The following CD300A variants were observed in gnomAD, a reference collection of about 807,000 sequenced individuals.
CD300A encodes CMRF35-like molecule 8.
In CD300A, 22 loss-of-function variants were observed where a neutral mutation model predicts 33.6. The ratio of observed to expected loss-of-function variants is 0.66; its 90% confidence interval spans 0.47 to 0.94. CD300A has a LOEUF of 0.94. Ranked by LOEUF, CD300A falls within the 40% of genes least tolerant of loss-of-function variation. The probability of loss-of-function intolerance (pLI) is 0.00; values close to 1 mark genes in which losing one functional copy is unlikely to be tolerated. For missense variants in CD300A, 326 were observed against 360.5 expected (o/e 0.90, Z 0.77); for synonymous variants, 136 against 148.1 (o/e 0.92, Z 0.59).
chr17:74,484,539 C>A lies in CD300A; in HGVS notation c.*413C>A. 6.3e-6 allele frequency: 1 copy of A among 159,408 alleles called. No individual in the cohort carries two copies. Among genetic ancestry groups the A allele is most frequent in the Non-Finnish European group, 1.4e-5 (1 of 72,178 alleles). 9.9% of individuals were successfully genotyped at this position (159,408 alleles called of 1,614,324 possible). A position where few individuals can be genotyped will look rare whatever the true frequency, so the allele number is the denominator to read the frequency against. On this transcript the variant is annotated 3_prime_UTR_variant, in exon 7 of 7. Transcript: ENST00000360141. ...TTGCTTGGGAGTTGGGGAGAACTGT[C>A]AAGAAGAGTGAAGAGAGTGCCAAAG...
At chr17:74,472,013 G>A (rs1444977052) in intron 1 of CD300A, among the ~76,000 whole-genome samples, 1 of 152,130 alleles carries the variant, frequency 6.6e-6, no homozygotes, top group African/African-American at 2.4e-5. Flanking sequence ...GGCCGAGGCA[G>A]GTGGATCACC....
Position 74,473,653 on chromosome 17 carries a change from C to T in CD300A, c.158C>T (p.Pro53Leu). 1 of 1,614,214 alleles carries T rather than the reference C, an allele frequency of 6.2e-7. No individual in the cohort carries two copies. Among genetic ancestry groups the T allele is most frequent in the Non-Finnish European group, 8.5e-7 (1 of 1,180,046 alleles). ...RTLNKYWCRP[P>L]QIFLCDKIVE... The stretch of plus-strand genomic sequence containing the variant: ...CTCAACAAATACTGGTGCAGACCAC[C>T]ACAGATTTTCCTATGTGACAAGATT... Residue 53 changes from proline (P) to leucine (L), a missense_variant, in exon 2 of 7, where the codon CCA becomes CTA. Physicochemically the swap from Pro to Leu is moderately conservative, Grantham distance 98. Coordinates refer to ENST00000360141, the MANE Select transcript of CD300A (RefSeq NM_007261.4).
At chr17:74,474,883 T>C (rs1006597365) in intron 3 of CD300A, among the ~76,000 whole-genome samples, 198 bp downstream of exon 3, 8 of 139,500 alleles carry the variant, frequency 5.7e-5, no homozygotes, top group Non-Finnish European at 1.1e-4. Context: ...AGGGGGGAAG[T>C]TGGGGGGCAG....
chr17:74,481,915 G>T, intron 6 of CD300A, 82 bp downstream of exon 6: 1 of 972,176 alleles, frequency 1.0e-6, no homozygotes, highest in Admixed American at 2.1e-5. Context: ...AGAAGGGGAA[G>T]GAAGGGGTCG....
intron 4 of CD300A, among the ~76,000 whole-genome samples, chr17:74,479,265 C>A: frequency 6.6e-6 from 1 of 151,870 alleles, no homozygotes; most frequent in South Asian, 2.1e-4. Context: ...GAGACAGAGT[C>A]TCACTCTGTC....
At position 74,479,048 on chromosome 17, in the gene CD300A, C is replaced by G. The variant is rs145621431; in HGVS notation, c.628+1518C>G. Among the ~76,000 whole-genome samples the G allele has an allele frequency of 5.8e-4, 88 of 152,216 alleles. No homozygotes were observed. The East Asian group carries it at 0.017, about 29-fold the overall frequency. On this transcript the variant is annotated intron_variant, in intron 4 of 6. Transcript: ENST00000360141. ...TGGCTCCTCAAAGAGCCTCCTCCCC[C>G]CTTGAAAAGGATGTATGTGATTATT...
In CD300A at chr17:74,473,578, TG is replaced by T. The variant is rs1378786273; in HGVS notation, c.89del (p.Gly30AspfsTer3). ...AAATGCAGGACCGTGGCGGGCCCCG[TG>T]GGGGGATCCCTGAGTGTGCAGTGTC... is the stretch of plus-strand genomic sequence containing the variant. ...LSKCRTVAGP[V>X]GGSLSVQCPY... is the part of the protein sequence containing the mutation. On this transcript the variant is annotated frameshift_variant, in exon 2 of 7. Coordinates refer to ENST00000360141, the MANE Select transcript of CD300A (RefSeq NM_007261.4). LOFTEE classifies it high-confidence loss of function. 1.2e-6 allele frequency: 2 copies of T among 1,613,712 alleles called. No individual in the cohort carries two copies. The highest frequency in any genetic ancestry group is 8.5e-7 in the Non-Finnish European group (1 of 1,179,760).
At chr17:74,477,594 C>A in intron 4 of CD300A, 64 bp downstream of exon 4, 1 of 1,055,320 alleles carries the variant, frequency 9.5e-7, no homozygotes, top group South Asian at 1.3e-5. Context: ...CACAGACGCT[C>A]ATCTTCAAAG....
rs1009750413 is a variant in CD300A, at chr17:74,467,092, A to G, written c.40+349A>G. ...TCAGGGTGGGTGGAGAGTGGCAGCC[A>G]CTGACTGCGAGGGGCATGTGGTGAG... On this transcript the variant is annotated intron_variant, in intron 1 of 6. Transcript: ENST00000360141. 6.6e-6 allele frequency: 6 copies of G among 906,710 alleles called. No homozygotes were observed. The African/African-American group carries it at 9.1e-5, about 14-fold the overall frequency. 56.2% of individuals were successfully genotyped at this position (906,710 alleles called of 1,614,324 possible).
At chr17:74,482,540 C>A (rs2144542432) in intron 6 of CD300A, among the ~76,000 whole-genome samples, 1 of 151,504 alleles carries the variant, frequency 6.6e-6, no homozygotes, top group African/African-American at 2.4e-5. Flanking sequence ...CGTTTTGCAC[C>A]TGACAGGAGA....
chr17:74,468,314 G>A (rs780165731), intron 1 of CD300A, among the ~76,000 whole-genome samples: 5 of 152,106 alleles, frequency 3.3e-5, no homozygotes, highest in Admixed American at 1.3e-4. Flanking sequence ...GATTGCAGGC[G>A]TGAGCCACCA....
chr17:74,478,467 G>T (rs978615825), intron 4 of CD300A, among the ~76,000 whole-genome samples: 5 of 152,216 alleles, frequency 3.3e-5, no homozygotes, highest in South Asian at 2.1e-4. Context: ...CAGATTAAAA[G>T]AGAGAACAGG....
At chr17:74,467,468 G>C (rs1296027096) in intron 1 of CD300A, among the ~76,000 whole-genome samples, 1 of 152,150 alleles carries the variant, frequency 6.6e-6, no homozygotes, top group African/African-American at 2.4e-5. Context: ...ATCGGGCAGA[G>C]AAGCGCTGAG....
intron 4 of CD300A, among the ~76,000 whole-genome samples, chr17:74,479,777 T>C (rs1258135745): frequency 6.6e-6 from 1 of 152,124 alleles, no homozygotes. Context: ...CCTGACTGTG[T>C]GGCTGGGGCT....
At chr17:74,481,628 T>A in intron 5 of CD300A, 98 bp from the exon 6 acceptor site, 1 of 844,622 alleles carries the variant, frequency 1.2e-6, no homozygotes, top group Non-Finnish European at 1.9e-6. Flanking sequence ...GGGGCTGAGG[T>A]GCTCAGAGCA....
At position 74,474,678 on chromosome 17, in the gene CD300A, A is replaced by T. The variant is rs200630749; in HGVS notation, c.526A>T (p.Asn176Tyr). The T allele has an allele frequency of 8.7e-6, 14 of 1,614,124 alleles. No individual in the cohort carries two copies. The highest frequency in any genetic ancestry group is 6.7e-5 in the Admixed American group (4 of 60,016). Residue 176 changes from asparagine (N) to tyrosine (Y), a missense_variant, in exon 3 of 7, where the codon AAC becomes TAC. Physicochemically the swap from Asn to Tyr is moderately radical, Grantham distance 143. Transcript: ENST00000360141. ...SIQEETEEVV[N>Y]SQLPLLLSLL... ...CCAGGAGGAAACTGAGGAGGTGGTG[A>T]ACTCACAGTAAGCACCCTAGCCCCT... is the stretch of plus-strand genomic sequence containing the variant.
Position 74,467,062 on chromosome 17 carries a change from A to T in CD300A, c.40+319A>T, listed in dbSNP as rs534222664. The T allele has an allele frequency of 2.2e-5, 26 of 1,157,548 alleles. No homozygotes were observed. The African/African-American group carries it at 4.0e-4, about 18-fold the overall frequency. 71.7% of individuals were successfully genotyped at this position (1,157,548 alleles called of 1,614,324 possible). On this transcript the variant is annotated intron_variant, in intron 1 of 6. Coordinates refer to ENST00000360141, the MANE Select transcript of CD300A (RefSeq NM_007261.4). ...TACAGGAAGGGGGACGAGAGGCAGG[A>T]TGTGTCAGGGTGGGTGGAGAGTGGC...
intron 1 of CD300A, among the ~76,000 whole-genome samples, chr17:74,472,799 A>T (rs1906191969): frequency 6.6e-6 from 1 of 152,056 alleles, no homozygotes; most frequent in Non-Finnish European, 1.5e-5. Context: ...TAGTAGAGAC[A>T]GGGTTTCACC....
intron 1 of CD300A, among the ~76,000 whole-genome samples, chr17:74,471,522 C>G (rs918147927): frequency 6.6e-6 from 1 of 152,180 alleles, no homozygotes; most frequent in Non-Finnish European, 1.5e-5. Flanking sequence ...ACTCTATAGA[C>G]AAGGTGTCTG....
Sources: gnomAD v4.1 joint callset for allele counts (sites outside exome capture counted in the v4.1 genomes callset) on GRCh38, gnomAD v4.1.1 for gene constraint, MANE v1.5 for transcripts, NCBI Gene and HGNC (gene_info 2026-07-23, HGNC 2026-07-21) for gene names.